Variants in PRELID1 observed in about 807,000 individuals in gnomAD.
PRELID1 encodes the protein PRELI domain containing 1, also known as PRELI domain-containing protein 1, mitochondrial.
A neutral mutation model predicts 29.0 loss-of-function variants in PRELID1; 15 were observed. The ratio of observed to expected loss-of-function variants is 0.52; its 90% CI spans 0.35 to 0.80. The LOEUF is 0.80. Among genes scored for constraint, PRELID1 ranks in the 30% least tolerant of loss-of-function variants. PRELID1 has a pLI of 0.01. For synonymous variants in PRELID1, 79 were observed against 106.5 expected, an observed-to-expected ratio of 0.74 and a Z score of 1.59; for missense variants, 187 against 275.9, an observed-to-expected ratio of 0.68 and a Z score of 2.28.
intron 2 of PRELID1, chr5:177,305,484 G>C (rs114938354): frequency 0.031 from 8,043 of 257,182 alleles, 199 homozygotes; most frequent in South Asian, 0.068. Context: ...TAAGATTACA[G>C]GCGTGAGCCA....
In PRELID1 at chr5:177,306,622, C is replaced by T; in HGVS notation, c.*52C>T. ...AGACAGCTAGGCTTAGCCTCTCTGC[C>T]CTCCCTTCATTGTACTTTATCATTA... On this transcript the variant is annotated 3_prime_UTR_variant, in exon 5 of 5. Coordinates refer to ENST00000303204, the MANE Select transcript of PRELID1 (RefSeq NM_013237.4). The T allele has an allele frequency of 2.5e-6, 4 of 1,570,044 alleles. No homozygotes were observed. The highest frequency in any genetic ancestry group is 3.5e-6 in the Non-Finnish European group (4 of 1,156,860).
In PRELID1 at chr5:177,303,815, C is replaced by G; in HGVS notation, c.-171C>G. ...GGAAGTGGCGCGCGGCCGGACAACT[C>G]ATGGCGGCGGCGGCGGCGGCGGCAG... On this transcript the variant is annotated 5_prime_UTR_variant, in exon 1 of 5. Transcript: ENST00000303204. The surrounding 1 kb of genome is among the most constrained non-coding windows in gnomAD (Gnocchi z 6.1). 4.3e-6 allele frequency: 2 copies of G among 463,422 alleles called. No individual in the cohort carries two copies. Among genetic ancestry groups the G allele is most frequent in the South Asian group, 9.4e-5 (2 of 21,266 alleles). The allele number at this position is 463,422 out of a possible 1,614,324, so 28.7% of individuals were successfully genotyped here.
chr5:177,303,919 C>T lies in PRELID1; in HGVS notation c.-67C>T, dbSNP rs902936990. The T allele has an allele frequency of 6.0e-5, 87 of 1,441,594 alleles. No homozygotes were observed. In the African/African-American group the frequency reaches 1.2e-3, roughly 20 times the overall value. The allele number at this position is 1,441,594 out of a possible 1,614,324, so 89.3% of individuals were successfully genotyped here. A position where few individuals can be genotyped will look rare whatever the true frequency, so the allele number is the denominator to read the frequency against. ...CGCCGAGCCCCGGCCCGGCCCGGCC[C>T]TCGCGTGCCTCCCAGGCTCCGCACC... On this transcript the variant is annotated 5_prime_UTR_variant, in exon 1 of 5. Coordinates refer to ENST00000303204, the MANE Select transcript of PRELID1 (RefSeq NM_013237.4). The surrounding 1 kb of genome is among the most constrained non-coding windows in gnomAD (Gnocchi z 6.1).
Position 177,306,917 on chromosome 5 carries a change from T to C in PRELID1, c.*347T>C. ...CTGATGTGTCTCAGTATCTAGCACA[T>C]AATAGACACTCAATAAATACTTGTT... On this transcript the variant is annotated 3_prime_UTR_variant, in exon 5 of 5. Transcript: ENST00000303204. 1.3e-6 allele frequency: 1 copy of C among 798,158 alleles called. No individual in the cohort carries two copies. The allele number at this position is 798,158 out of a possible 1,614,324, so 49.4% of individuals were successfully genotyped here. A position where few individuals can be genotyped will look rare whatever the true frequency, so the allele number is the denominator to read the frequency against.
chr5:177,305,830 A>G (rs771981482), intron 2 of PRELID1, 41 bp from the exon 3 acceptor site: 3 of 1,569,574 alleles, frequency 1.9e-6, no homozygotes, highest in Non-Finnish European at 2.6e-6. Context: ...AAGTTGGCAA[A>G]ATGAAAGACT....
chr5:177,306,251 G>A (rs917501867), intron 4 of PRELID1, 75 bp downstream of exon 4: 1 of 1,570,226 alleles, frequency 6.4e-7, no homozygotes, highest in East Asian at 2.2e-5. Context: ...GTCTGGGTTA[G>A]TCATTGCCCT....
In PRELID1 at chr5:177,306,905, G is replaced by GT. The variant is rs879911904; in HGVS notation, c.*336dup. The GT allele has an allele frequency of 4.6e-5, 35 of 767,370 alleles. No individual in the cohort carries two copies. Among genetic ancestry groups the GT allele is most frequent in the Middle Eastern group, 3.7e-4 (1 of 2,674 alleles). 47.5% of individuals were successfully genotyped at this position (767,370 alleles called of 1,614,324 possible). A position where few individuals can be genotyped will look rare whatever the true frequency, so the allele number is the denominator to read the frequency against. ...TGGTTTTGTTCTCTGATGTGTCTCAGTATCTAGCACATAATAGACACTCAA... is the reference window on the plus strand; with the variant it reads ...TGGTTTTGTTCTCTGATGTGTCTCAGTTATCTAGCACATAATAGACACTCAA... On this transcript the variant is annotated 3_prime_UTR_variant, in exon 5 of 5. Coordinates refer to ENST00000303204, the MANE Select transcript of PRELID1 (RefSeq NM_013237.4).
At chr5:177,304,301 G>A in intron 1 of PRELID1, 1 of 602,936 alleles carries the variant, frequency 1.7e-6, no homozygotes, top group Non-Finnish European at 2.9e-6. Flanking sequence ...AGTGTGGTGA[G>A]ACAAGAAGAG....
At chr5:177,305,237 A>C (rs951224744) in intron 2 of PRELID1, among the ~76,000 whole-genome samples, 1 of 151,090 alleles carries the variant, frequency 6.6e-6, no homozygotes, top group Non-Finnish European at 1.5e-5. Context: ...TTCTGGTGAC[A>C]AGAGTCTCAC....
Position 177,303,946 on chromosome 5 carries a change from C to T in PRELID1, c.-40C>T. 2.5e-6 allele frequency: 4 copies of T among 1,581,548 alleles called. No homozygotes were observed. The highest frequency in any genetic ancestry group is 3.4e-6 in the Non-Finnish European group (4 of 1,164,528). On this transcript the variant is annotated 5_prime_UTR_variant, in exon 1 of 5. Coordinates refer to ENST00000303204, the MANE Select transcript of PRELID1 (RefSeq NM_013237.4). This position sits in a 1 kb window ranked among gnomAD's most constrained non-coding sequence, Gnocchi z 6.1. ...CGCGTGCCTCCCAGGCTCCGCACCCCTGATGCTGCGCGGGTGCTGAGCCCG... is the reference window on the plus strand; with the variant it reads ...CGCGTGCCTCCCAGGCTCCGCACCCTTGATGCTGCGCGGGTGCTGAGCCCG...
At position 177,305,902 on chromosome 5, in the gene PRELID1, A is replaced by T; in HGVS notation, c.350A>T (p.Asn117Ile). The T allele has an allele frequency of 1.2e-6, 2 of 1,614,036 alleles. No individual in the cohort carries two copies. Among genetic ancestry groups the T allele is most frequent in the Non-Finnish European group, 1.7e-6 (2 of 1,180,008 alleles). Residue 117 changes from asparagine (N) to isoleucine (I), a missense_variant, in exon 3 of 5, where the codon AAC (asparagine) becomes ATC (isoleucine). Physicochemically the swap from Asn to Ile is moderately radical, Grantham distance 149. Coordinates refer to ENST00000303204, the MANE Select transcript of PRELID1 (RefSeq NM_013237.4). ...GAGGAACGATGTGTTTACTGTGTGAACTCTGACAACAGTGGCTGGACTGAA... is the reference window on the plus strand; with the variant it reads ...GAGGAACGATGTGTTTACTGTGTGATCTCTGACAACAGTGGCTGGACTGAA... ...VVEERCVYCV[N>I]SDNSGWTEIR...
At chr5:177,304,242 G>A (rs1222238600) in intron 1 of PRELID1, 165 bp downstream of exon 1, 3 of 670,210 alleles carry the variant, frequency 4.5e-6, no homozygotes, top group Non-Finnish European at 7.6e-6. Context: ...AAGGGAGGTT[G>A]GGCCTGGGTG....
chr5:177,305,993 T>C lies in PRELID1; in HGVS notation c.432+9T>C, dbSNP rs1760862078. On this transcript the variant is annotated intron_variant, in intron 3 of 4. Transcript: ENST00000303204. Reference sequence around the variant, plus strand: ...TCTCCAGAGCTGTCCAGGTGAGCAGTGTTGTTGGGGCTGCTGGGGCTCTGG... The same window carrying C: ...TCTCCAGAGCTGTCCAGGTGAGCAGCGTTGTTGGGGCTGCTGGGGCTCTGG... The C allele has an allele frequency of 1.2e-6, 2 of 1,612,140 alleles. No homozygotes were observed. The highest frequency in any genetic ancestry group is 2.7e-5 in the African/African-American group (2 of 74,928).
Position 177,306,585 on chromosome 5 carries a change from C to T in PRELID1, c.*15C>T, listed in dbSNP as rs759779349. The T allele has an allele frequency of 2.5e-6, 4 of 1,605,500 alleles. No individual in the cohort carries two copies. The highest frequency in any genetic ancestry group is 1.7e-6 in the Non-Finnish European group (2 of 1,176,190). ...AGTTTGTGTAGCCAGTCTACCACCACCACAGCACCCCAGACAGCTAGGCTT... is the reference window on the plus strand; with the variant it reads ...AGTTTGTGTAGCCAGTCTACCACCATCACAGCACCCCAGACAGCTAGGCTT... On this transcript the variant is annotated 3_prime_UTR_variant, in exon 5 of 5. Coordinates refer to ENST00000303204, the MANE Select transcript of PRELID1 (RefSeq NM_013237.4).
chr5:177,304,465 G>T, intron 1 of PRELID1, 160 bp from the exon 2 acceptor site: 1 of 729,698 alleles, frequency 1.4e-6, no homozygotes, highest in Non-Finnish European at 2.4e-6. Flanking sequence ...ATTTGCCCTG[G>T]GATGGGCCCT....
At chr5:177,305,809 G>C (rs1561592573) in intron 2 of PRELID1, 62 bp from the exon 3 acceptor site, 1 of 1,416,464 alleles carries the variant, frequency 7.1e-7, no homozygotes, top group Non-Finnish European at 9.9e-7. Flanking sequence ...CAGGGAGTCA[G>C]ATTTATGTGC....
chr5:177,303,830 GGCGGCGGCA>G lies in PRELID1; in HGVS notation c.-153_-145del. 1 of 493,288 alleles carries G rather than the reference GGCGGCGGCA, an allele frequency of 2.0e-6. No homozygotes were observed. The allele number at this position is 493,288 out of a possible 1,614,324, so 30.6% of individuals were successfully genotyped here. On this transcript the variant is annotated 5_prime_UTR_variant, in exon 1 of 5. Transcript: ENST00000303204. The surrounding 1 kb of genome is among the most constrained non-coding windows in gnomAD (Gnocchi z 6.1). Reference sequence around the variant, plus strand: ...CCGGACAACTCATGGCGGCGGCGGCGGCGGCGGCAGCTGCTTGGGCGCGGTGCGGTGGTG... The same window carrying G: ...CCGGACAACTCATGGCGGCGGCGGCGGCTGCTTGGGCGCGGTGCGGTGGTG...
At chr5:177,304,160 A>G in intron 1 of PRELID1, 83 bp downstream of exon 1, 1 of 1,310,914 alleles carries the variant, frequency 7.6e-7, no homozygotes, top group South Asian at 1.2e-5. Context: ...TACTGGGACC[A>G]GGAAGGACTC....
At position 177,303,830 on chromosome 5, in the gene PRELID1, G is replaced by A. The variant is rs561098154; in HGVS notation, c.-156G>A. 2 of 493,288 alleles carry A rather than the reference G, an allele frequency of 4.1e-6. No individual in the cohort carries two copies. The highest frequency in any genetic ancestry group is 2.0e-5 in the African/African-American group (1 of 49,026). The allele number at this position is 493,288 out of a possible 1,614,324, so 30.6% of individuals were successfully genotyped here. Reference sequence around the variant, plus strand: ...CCGGACAACTCATGGCGGCGGCGGCGGCGGCGGCAGCTGCTTGGGCGCGGT... The same window carrying A: ...CCGGACAACTCATGGCGGCGGCGGCAGCGGCGGCAGCTGCTTGGGCGCGGT... On this transcript the variant is annotated 5_prime_UTR_variant, in exon 1 of 5. Transcript: ENST00000303204. This position sits in a 1 kb window ranked among gnomAD's most constrained non-coding sequence, Gnocchi z 6.1.
Sources: allele counts gnomAD v4.1 joint callset (sites outside exome capture counted in the v4.1 genomes callset), GRCh38; gene constraint gnomAD v4.1.1; non-coding constraint Gnocchi (gnomAD v3.1); transcripts MANE v1.5; gene names NCBI Gene and HGNC (gene_info 2026-07-23, HGNC 2026-07-21).